The following ZNF678 variants were observed in gnomAD, a reference collection of about 807,000 sequenced individuals.
ZNF678 encodes zinc finger protein 678, also known as hypothetical protein MGC42493.
ZNF678 carries 5 observed loss-of-function variants against 3.0 expected under a neutral mutation model. The ratio of observed to expected loss-of-function variants is 1.69; its 90% confidence interval spans 0.88 to 3.56. ZNF678 has a LOEUF of 3.56. ZNF678 is among the 30% of genes most tolerant of loss of function. The pLI is 0.00. For synonymous variants in ZNF678, 218 were observed against 199.6 expected (o/e 1.09, Z -0.78); for missense variants, 593 against 605.0 (o/e 0.98, Z 0.21).
At chr1:227,639,294 C>T (rs748338144) in intron 1 of ZNF678, among the ~76,000 whole-genome samples, 2 of 152,190 alleles carry the variant, frequency 1.3e-5, no homozygotes, top group Non-Finnish European at 2.9e-5. Context: ...CCCAGTGGGC[C>T]AGCAGGGGGC....
At chr1:227,637,065 G>T (rs767236275) in intron 1 of ZNF678, among the ~76,000 whole-genome samples, 8 of 152,158 alleles carry the variant, frequency 5.3e-5, no homozygotes, top group Non-Finnish European at 1.0e-4. Context: ...TGACACTATA[G>T]CATAGCCAGC....
chr1:227,619,984 AAAT>A (rs1658240679), intron 1 of ZNF678, among the ~76,000 whole-genome samples: 1 of 152,178 alleles, frequency 6.6e-6, no homozygotes, highest in South Asian at 2.1e-4. Context: ...TTTTCAGAAA[AAAT>A]AAATAAATCA....
intron 1 of ZNF678, among the ~76,000 whole-genome samples, chr1:227,613,499 A>G (rs1175879606): frequency 6.6e-6 from 1 of 152,176 alleles, no homozygotes; most frequent in Non-Finnish European, 1.5e-5. Context: ...TTTCACCTCG[A>G]GATGTGGCAG....
rs1659173580 is a variant in ZNF678 at position 227,654,671 on chromosome 1, A to C, written c.421A>C (p.Thr141Pro). 1.2e-6 allele frequency: 2 copies of C among 1,613,142 alleles called. No individual in the cohort carries two copies. The highest frequency in any genetic ancestry group is 2.7e-5 in the African/African-American group (2 of 74,848). Reference protein sequence around the residue: ...GKVFNRCSNLTKHKRIHTGEK... With the variant: ...GKVFNRCSNLPKHKRIHTGEK... Reference sequence around the variant, plus strand: ...AGTTTTCAATCGATGTTCAAACCTAACAAAACATAAAAGAATTCATACTGG... The same window carrying C: ...AGTTTTCAATCGATGTTCAAACCTACCAAAACATAAAAGAATTCATACTGG... The change falls in exon 4 of 4, where the codon ACA becomes CCA. Residue 141 changes from threonine (T) to proline (P), a missense_variant. Physicochemically the swap from Thr to Pro is conservative, Grantham distance 38. Transcript: ENST00000343776.
At chr1:227,617,657 G>A (rs531924549) in intron 1 of ZNF678, among the ~76,000 whole-genome samples, 10 of 152,288 alleles carry the variant, frequency 6.6e-5, no homozygotes, top group African/African-American at 7.2e-5. Flanking sequence ...ATACTATGGC[G>A]TATCAGTTCA....
intron 3 of ZNF678, among the ~76,000 whole-genome samples, chr1:227,651,581 A>G (rs1659093985): frequency 6.6e-6 from 1 of 152,162 alleles, no homozygotes; most frequent in Admixed American, 6.5e-5. Context: ...TCAGAATTCT[A>G]AGTGGAATCA....
intron 1 of ZNF678, among the ~76,000 whole-genome samples, chr1:227,644,147 G>A (rs904032808): frequency 5.9e-5 from 9 of 152,064 alleles, no homozygotes; most frequent in African/African-American, 2.2e-4. Flanking sequence ...TTACAGGCGT[G>A]AGCCACCACG....
At chr1:227,587,485 A>G (rs1657292250) in intron 1 of ZNF678, among the ~76,000 whole-genome samples, 1 of 152,128 alleles carries the variant, frequency 6.6e-6, no homozygotes, top group Non-Finnish European at 1.5e-5. Flanking sequence ...CATTGCTATA[A>G]TTTTTGAGAA....
chr1:227,609,422 G>C (rs1228277476), intron 1 of ZNF678, among the ~76,000 whole-genome samples: 1 of 152,196 alleles, frequency 6.6e-6, no homozygotes, highest in Non-Finnish European at 1.5e-5. Flanking sequence ...CGATGAAATA[G>C]AAATATGAAT....
intron 1 of ZNF678, among the ~76,000 whole-genome samples, chr1:227,566,049 C>T (rs996211615): frequency 2.0e-5 from 3 of 152,176 alleles, no homozygotes; most frequent in Non-Finnish European, 2.9e-5. Flanking sequence ...GCGTGAGCCA[C>T]CGCGCCCGGC....
intron 1 of ZNF678, among the ~76,000 whole-genome samples, chr1:227,592,204 C>T (rs1657434581): frequency 6.6e-6 from 1 of 152,236 alleles, no homozygotes; most frequent in Non-Finnish European, 1.5e-5. Flanking sequence ...CGGGGATTTT[C>T]ACAGAGCAAG....
chr1:227,611,814 A>T (rs1658028149), intron 1 of ZNF678, among the ~76,000 whole-genome samples: 2 of 152,190 alleles, frequency 1.3e-5, no homozygotes, highest in South Asian at 4.1e-4. Context: ...CAAGACACTG[A>T]CAGGATTTGA....
intron 1 of ZNF678, among the ~76,000 whole-genome samples, chr1:227,589,296 T>C (rs988409291): frequency 2.6e-5 from 4 of 151,842 alleles, no homozygotes; most frequent in South Asian, 2.1e-4. Flanking sequence ...TAAAAGTCTT[T>C]AATCCATCTT....
chr1:227,610,757 C>T (rs1274537795), intron 1 of ZNF678, among the ~76,000 whole-genome samples: 1 of 152,108 alleles, frequency 6.6e-6, no homozygotes, highest in Non-Finnish European at 1.5e-5. Context: ...GCTTTCCAAC[C>T]CCCCTAAGGT....
At chr1:227,624,647 G>A (rs954539029) in intron 1 of ZNF678, among the ~76,000 whole-genome samples, 40 of 152,218 alleles carry the variant, frequency 2.6e-4, no homozygotes, top group African/African-American at 9.6e-4. Flanking sequence ...CTTGGGCCAT[G>A]CAGTGAGTGT....
intron 1 of ZNF678, among the ~76,000 whole-genome samples, chr1:227,607,888 TA>T (rs1449755730): frequency 5.3e-5 from 8 of 150,508 alleles, no homozygotes; most frequent in Non-Finnish European, 8.9e-5. Flanking sequence ...ATAGTTTTCA[TA>T]GGGGACATTA....
intron 2 of ZNF678, among the ~76,000 whole-genome samples, chr1:227,648,470 CA>C (rs1283361616): frequency 3.9e-5 from 6 of 152,140 alleles, no homozygotes; most frequent in Admixed American, 1.3e-4. Flanking sequence ...ACTGCCTTAG[CA>C]AATTTTAAGC....
At chr1:227,566,714 G>A (rs1190712830) in intron 1 of ZNF678, among the ~76,000 whole-genome samples, 1 of 152,190 alleles carries the variant, frequency 6.6e-6, no homozygotes, top group Admixed American at 6.5e-5. Context: ...TATCAGTAGA[G>A]CTTGAAAGGT....
intron 1 of ZNF678, among the ~76,000 whole-genome samples, chr1:227,624,637 C>G (rs1468402117): frequency 6.6e-6 from 1 of 152,178 alleles, no homozygotes; most frequent in Non-Finnish European, 1.5e-5. Flanking sequence ...GGAATGGAAC[C>G]TTGGGCCATG....
Sources: allele counts gnomAD v4.1 joint callset (sites outside exome capture counted in the v4.1 genomes callset), GRCh38; gene constraint gnomAD v4.1.1; transcripts MANE v1.5; gene names NCBI Gene and HGNC (gene_info 2026-07-23, HGNC 2026-07-21).